GRID1: variants seen among roughly 807,000 people sequenced by gnomAD.
The protein encoded by GRID1 is glutamate ionotropic receptor delta type subunit 1, also known as glutamate receptor ionotropic, delta-1.
GRID1 carries 28 observed loss-of-function variants against 98.0 expected under a neutral mutation model. That is an observed-to-expected ratio of 0.29 (90% CI 0.21 to 0.39). The LOEUF (loss-of-function observed/expected upper bound fraction) is 0.39, where lower values mean the gene tolerates loss of function less well. Among genes scored for constraint, GRID1 ranks in the 10% least tolerant of loss-of-function variants. The pLI is 1.00. For synonymous variants in GRID1, 553 were observed against 538.5 expected (o/e 1.03, Z -0.37); for missense variants, 1,111 against 1,340.5 (o/e 0.83, Z 2.67).
At chr10:85,646,111 A>AGTGAGT (rs1843185943) in intron 13 of GRID1, 1 of 148,344 alleles carries the variant, frequency 6.7e-6, no homozygotes, top group South Asian at 2.2e-4. Context: ...CACAGGGATG[A>AGTGAGT]GTGTGTGTGT....
intron 8 of GRID1, among the ~76,000 whole-genome samples, chr10:85,828,288 A>T (rs1036822944): frequency 6.6e-6 from 1 of 152,172 alleles, no homozygotes; most frequent in Non-Finnish European, 1.5e-5. Flanking sequence ...ACACAGCTAA[A>T]GCAGTGGTAA....
chr10:86,181,032 C>A (rs1793554794), intron 3 of GRID1, among the ~76,000 whole-genome samples: 1 of 152,156 alleles, frequency 6.6e-6, no homozygotes, highest in Admixed American at 6.5e-5. Flanking sequence ...TGAACCTCCC[C>A]CGAACACACA....
At chr10:86,020,612 A>G (rs897565437) in intron 4 of GRID1, among the ~76,000 whole-genome samples, 1 of 152,194 alleles carries the variant, frequency 6.6e-6, no homozygotes, top group Non-Finnish European at 1.5e-5. Context: ...GAAGTAACAG[A>G]TGGAGTGGGG....
chr10:86,081,111 C>A (rs1394537797), intron 4 of GRID1, among the ~76,000 whole-genome samples: 1 of 152,152 alleles, frequency 6.6e-6, no homozygotes, highest in African/African-American at 2.4e-5. Flanking sequence ...GTGGAAACAG[C>A]AAGTAAAGGT....
chr10:86,257,802 T>C (rs1292059255), intron 2 of GRID1, among the ~76,000 whole-genome samples: 1 of 152,132 alleles, frequency 6.6e-6, no homozygotes, highest in Non-Finnish European at 1.5e-5. Context: ...AGTGTGAAGA[T>C]GACATGAGCG....
chr10:86,170,420 A>G (rs1355452957), intron 3 of GRID1, among the ~76,000 whole-genome samples: 1 of 152,200 alleles, frequency 6.6e-6, no homozygotes, highest in Non-Finnish European at 1.5e-5. Context: ...CCTACAGGAG[A>G]TAATGGCCCT....
chr10:85,608,798 T>C (rs369680247), intron 15 of GRID1, among the ~76,000 whole-genome samples: 1 of 152,194 alleles, frequency 6.6e-6, no homozygotes, highest in East Asian at 1.9e-4. Flanking sequence ...GGTTTTGAGA[T>C]ACACAGCGGT....
At chr10:86,224,932 C>G (rs1302951661) in intron 2 of GRID1, among the ~76,000 whole-genome samples, 1 of 152,234 alleles carries the variant, frequency 6.6e-6, no homozygotes, top group African/African-American at 2.4e-5. Flanking sequence ...CACCACCAGG[C>G]TGTGAGCTGT....
chr10:85,928,635 C>A (rs1030266727), intron 4 of GRID1, among the ~76,000 whole-genome samples: 1 of 152,224 alleles, frequency 6.6e-6, no homozygotes, highest in African/African-American at 2.4e-5. Context: ...GCACAGCTCA[C>A]ATCCAGCTGC....
Position 85,879,610 on chromosome 10 carries a change from A to G in GRID1, c.781-10430T>C, listed in dbSNP as rs561176925. Among the ~76,000 whole-genome samples the G allele has an allele frequency of 4.8e-3, 735 of 152,022 alleles. 4 individuals are homozygous for G. The highest frequency in any genetic ancestry group is 0.017 in the African/African-American group (694 of 41,298). The stretch of plus-strand genomic sequence containing the variant: ...CAAAACATACGAGAATCTCTGGGAC[A>G]CATTCAAAGCAGTGTGTAGAGGGAA... On this transcript the variant is annotated intron_variant, in intron 5 of 15. Coordinates refer to ENST00000327946, the MANE Select transcript of GRID1 (RefSeq NM_017551.3).
chr10:85,942,358 G>T (rs1260328144), intron 4 of GRID1, among the ~76,000 whole-genome samples: 2 of 152,152 alleles, frequency 1.3e-5, no homozygotes, highest in East Asian at 1.9e-4. Context: ...GTTGGTGGGG[G>T]TCTCCACCTT....
At chr10:86,292,843 T>C (rs1174107039) in intron 2 of GRID1, among the ~76,000 whole-genome samples, 2 of 151,882 alleles carry the variant, frequency 1.3e-5, no homozygotes, top group Non-Finnish European at 2.9e-5. Context: ...GGACTGTATA[T>C]GTATGAGTGT....
chr10:85,917,410 C>A (rs1168209496), intron 4 of GRID1, among the ~76,000 whole-genome samples: 1 of 152,154 alleles, frequency 6.6e-6, no homozygotes, highest in African/African-American at 2.4e-5. Context: ...AATTTACCCT[C>A]TAAATGTTGT....
chr10:86,290,932 G>T (rs148591575), intron 2 of GRID1, among the ~76,000 whole-genome samples: 229 of 152,296 alleles, frequency 1.5e-3, no homozygotes, highest in South Asian at 7.9e-3. Flanking sequence ...ACAGAGAGCT[G>T]TCCTGGAGAG....
intron 8 of GRID1, among the ~76,000 whole-genome samples, chr10:85,840,022 G>T (rs558199102): frequency 1.3e-5 from 2 of 151,848 alleles, no homozygotes; most frequent in African/African-American, 4.8e-5. Flanking sequence ...TGATAAATTC[G>T]TGTCACATAC....
Position 85,919,115 on chromosome 10 carries a change from G to A in GRID1, c.727-2876C>T, listed in dbSNP as rs765146494. ...TGTAGTTCTGTGAATCTGAAGGTCTGGGTATACCTGTGCAGGTGAGAGGTT... is the reference window on the plus strand; with the variant it reads ...TGTAGTTCTGTGAATCTGAAGGTCTAGGTATACCTGTGCAGGTGAGAGGTT... On this transcript the variant is annotated intron_variant, in intron 4 of 15. Coordinates refer to ENST00000327946, the MANE Select transcript of GRID1 (RefSeq NM_017551.3). Among the ~76,000 whole-genome samples the A allele has an allele frequency of 4.9e-4, 74 of 152,210 alleles. 1 individual carries two copies. Among genetic ancestry groups the A allele is most frequent in the Non-Finnish European group, 9.1e-4 (62 of 68,044 alleles).
At chr10:85,797,265 T>G (rs1018257652) in intron 8 of GRID1, among the ~76,000 whole-genome samples, 1 of 152,132 alleles carries the variant, frequency 6.6e-6, no homozygotes, top group African/African-American at 2.4e-5. Context: ...TTTAGATATA[T>G]GGGGTATGTG....
At chr10:85,872,049 G>C (rs184089423) in intron 5 of GRID1, among the ~76,000 whole-genome samples, 235 of 152,268 alleles carry the variant, frequency 1.5e-3, no homozygotes, top group African/African-American at 5.5e-3. Context: ...CTAGAACACA[G>C]CTGGGCTTCA....
intron 4 of GRID1, among the ~76,000 whole-genome samples, chr10:86,121,707 A>G (rs904018050): frequency 1.3e-5 from 2 of 152,076 alleles, no homozygotes; most frequent in African/African-American, 4.8e-5. Flanking sequence ...ACAAGGAACT[A>G]TCCTAAACAC....
Sources: allele counts gnomAD v4.1 joint callset (sites outside exome capture counted in the v4.1 genomes callset), GRCh38; gene constraint gnomAD v4.1.1; transcripts MANE v1.5; gene names NCBI Gene and HGNC (gene_info 2026-07-23, HGNC 2026-07-21).